The following PLPPR3 variants were observed in gnomAD, a reference collection of about 807,000 sequenced individuals.
PLPPR3 encodes phospholipid phosphatase-related protein type 3.
PLPPR3 carries 14 observed loss-of-function variants against 27.3 expected under a neutral mutation model. The ratio of observed to expected loss-of-function variants is 0.51; its 90% CI spans 0.34 to 0.80. The LOEUF (loss-of-function observed/expected upper bound fraction) is 0.80, where lower values mean the gene tolerates loss of function less well. PLPPR3 is among the 30% of genes least tolerant of loss of function. PLPPR3 has a pLI of 0.01. For synonymous variants in PLPPR3, 671 were observed against 508.0 expected (o/e 1.32, Z -4.32); for missense variants, 1,287 against 1,056.9 (o/e 1.22, Z -3.02).
At chr19:819,366 C>T (rs1435609383) in intron 2 of PLPPR3, among the ~76,000 whole-genome samples, 2 of 149,668 alleles carry the variant, frequency 1.3e-5, no homozygotes, top group African/African-American at 5.0e-5. Flanking sequence ...CTGCAACCTC[C>T]ACCTCCTGGG....
chr19:814,666 G>A (rs1411818479), intron 6 of PLPPR3, 26 bp downstream of exon 6: 1 of 1,607,898 alleles, frequency 6.2e-7, no homozygotes, highest in African/African-American at 1.3e-5. Context: ...GAGGGCCTGG[G>A]AAGGGCAGTG....
chr19:815,192 A>G lies in PLPPR3; in HGVS notation c.397T>C (p.Phe133Leu), dbSNP rs749506395. ...FNSFLRRTVR[F>L]VGVHVFGLCA... is the part of the protein sequence containing the mutation. Reference sequence around the variant, plus strand: ...GGCGCGTCCCGCAACTCACCCACAAACCGCACCGTACGCCGCAGGAAGGAG... The same window carrying G: ...GGCGCGTCCCGCAACTCACCCACAAGCCGCACCGTACGCCGCAGGAAGGAG... The change falls in exon 4 of 8, where the codon TTT becomes CTT. Residue 133 changes from phenylalanine to leucine, a missense_variant. Phe to Leu is a conservative substitution (Grantham distance 22). Coordinates refer to ENST00000520876, the MANE Select transcript of PLPPR3 (RefSeq NM_001270366.2). The G allele has an allele frequency of 1.9e-6, 3 of 1,603,708 alleles. No individual in the cohort carries two copies. The South Asian group carries it at 3.3e-5, about 18-fold the overall frequency.
In PLPPR3 at chr19:812,843, G is replaced by A. The variant is rs1338675004; in HGVS notation, c.1884C>T (p.Phe628=). ...CGCCCGGGGGCTTGGCCCCGCCGCG[G>A]AAGCCGCGCGCCAGGTCCCCCAGCT... ...GYELGDLARG[F]RGGAKPPGVS... The change falls in exon 8 of 8, where the codon TTC becomes TTT. Residue 628 remains phenylalanine (F), a synonymous_variant. Transcript: ENST00000520876. 5 of 1,126,708 alleles carry A rather than the reference G, an allele frequency of 4.4e-6. No homozygotes were observed. The highest frequency in any genetic ancestry group is 5.3e-5 in the East Asian group (1 of 18,910). The allele number at this position is 1,126,708 out of a possible 1,614,324, so 69.8% of individuals were successfully genotyped here.
In PLPPR3 at chr19:819,420, A is replaced by G. The variant is rs1256297046; in HGVS notation, c.75+2065T>C. On this transcript the variant is annotated intron_variant, in intron 2 of 7. Coordinates refer to ENST00000520876, the MANE Select transcript of PLPPR3 (RefSeq NM_001270366.2). ...CTCAGCCTCCCGAGTAGATGGGATT[A>G]CAGGCGCCCACCACTACGACCACCA... Among the ~76,000 whole-genome samples the G allele has an allele frequency of 2.0e-5, 3 of 151,224 alleles. No individual in the cohort carries two copies. The South Asian group carries it at 6.3e-4, about 32-fold the overall frequency.
intron 1 of PLPPR3, 141 bp downstream of exon 1, chr19:821,774 C>A: frequency 3.6e-6 from 1 of 281,482 alleles, no homozygotes; most frequent in South Asian, 1.3e-4. Context: ...ATCGGGGGGT[C>A]GGGGCCGGGA....
chr19:823,121 A>AAACC (rs2035173124), upstream of PLPPR3, among the ~76,000 whole-genome samples: 1 of 81,478 alleles, frequency 1.2e-5, no homozygotes, highest in Non-Finnish European at 2.7e-5. Flanking sequence ...CTCTGTCTCA[A>AAACC]AACAAACAAA....
intron 7 of PLPPR3, 22 bp downstream of exon 7, chr19:814,409 ACCC>A: frequency 6.4e-7 from 1 of 1,572,696 alleles, no homozygotes; most frequent in Non-Finnish European, 8.6e-7. Context: ...ACCCATGCCG[ACCC>A]CCATCAGAAC....
In PLPPR3 at chr19:815,437, TCAC is replaced by T. The variant is rs896395963; in HGVS notation, c.262-113_262-111del. 2.4e-6 allele frequency: 3 copies of T among 1,253,990 alleles called. No homozygotes were observed. The African/African-American group carries it at 6.7e-5, about 28-fold the overall frequency. 77.7% of individuals were successfully genotyped at this position (1,253,990 alleles called of 1,614,324 possible). ...CTGGCACAGGCCCCGGTGTGGATGT[TCAC>T]CGAGGTGGCGGGGGTGGGCTCCCAG... On this transcript the variant is annotated intron_variant, in intron 3 of 7. Transcript: ENST00000520876.
chr19:814,449 G>A lies in PLPPR3; in HGVS notation c.816C>T (p.Gly272=). 2 of 1,603,590 alleles carry A rather than the reference G, an allele frequency of 1.2e-6. No homozygotes were observed. Among genetic ancestry groups the A allele is most frequent in the Non-Finnish European group, 1.7e-6 (2 of 1,176,964 alleles). The change falls in exon 7 of 8, where the codon GGC becomes GGT. Residue 272 remains glycine (G), a synonymous_variant. Coordinates refer to ENST00000520876, the MANE Select transcript of PLPPR3 (RefSeq NM_001270366.2). ...TGCCACTCACCAGGTAGGCAGCGATGCCCGCCCCGATGAGGAAGCCGGCAT... is the reference window on the plus strand; with the variant it reads ...TGCCACTCACCAGGTAGGCAGCGATACCCGCCCCGATGAGGAAGCCGGCAT... The part of the protein sequence containing the change: ...DVYAGFLIGA[G]IAAYLACHAV...
Position 812,689 on chromosome 19 carries a change from C to G in PLPPR3, c.2038G>C (p.Gly680Arg). ...CGCCGCAGCGTGGACTCCCGGCTGC[C>G]CGGGCCCAGCGCCCCATCGGCCGCG... ...LGAADGALGP[G>R]SRESTLRRHA... Residue 680 changes from glycine (G) to arginine (R), a missense_variant, in exon 8 of 8, where the codon GGC becomes CGC. Transcript: ENST00000520876. 1 of 1,048,984 alleles carries G rather than the reference C, an allele frequency of 9.5e-7. No homozygotes were observed. Among genetic ancestry groups the G allele is most frequent in the Non-Finnish European group, 1.1e-6 (1 of 870,264 alleles). 65.0% of individuals were successfully genotyped at this position (1,048,984 alleles called of 1,614,324 possible).
chr19:821,612 G>T (rs1014385507), intron 1 of PLPPR3, 27 bp from the exon 2 acceptor site: 9 of 1,384,882 alleles, frequency 6.5e-6, no homozygotes, highest in Admixed American at 2.6e-5. Context: ...GGCGCTGGAG[G>T]GGGGCGCGCA....
chr19:817,817 T>G (rs1407140783), intron 2 of PLPPR3, among the ~76,000 whole-genome samples: 3 of 152,110 alleles, frequency 2.0e-5, no homozygotes, highest in Non-Finnish European at 4.4e-5. Flanking sequence ...GCAGCGTTTG[T>G]TTGCACCTGA....
At chr19:818,139 T>G (rs2035090016) in intron 2 of PLPPR3, among the ~76,000 whole-genome samples, 1 of 152,144 alleles carries the variant, frequency 6.6e-6, no homozygotes, top group Non-Finnish European at 1.5e-5. Flanking sequence ...TCCCAGCACT[T>G]TGGGAGGCCG....
chr19:815,353 G>T (rs2035035175), intron 3 of PLPPR3, 26 bp from the exon 4 acceptor site: 5 of 1,518,870 alleles, frequency 3.3e-6, no homozygotes, highest in Non-Finnish European at 2.6e-6. Context: ...GGGCGCTCAG[G>T]CCTCGGTGCC....
At position 812,861 on chromosome 19, in the gene PLPPR3, C is replaced by T. The variant is rs1374133559; in HGVS notation, c.1866G>A (p.Gly622=). The stretch of plus-strand genomic sequence containing the variant: ...CGCCGCGGAAGCCGCGCGCCAGGTC[C>T]CCCAGCTCGTAGCCGCCGTCGGCCT... ...KAEADGGYEL[G]DLARGFRGGA... is the part of the protein sequence containing the mutation. Residue 622 remains glycine (G), a synonymous_variant, in exon 8 of 8, where the codon GGG becomes GGA. Coordinates refer to ENST00000520876, the MANE Select transcript of PLPPR3 (RefSeq NM_001270366.2). The T allele has an allele frequency of 7.7e-6, 9 of 1,172,864 alleles. No individual in the cohort carries two copies. Among genetic ancestry groups the T allele is most frequent in the Admixed American group, 1.0e-4 (2 of 20,092 alleles). 72.7% of individuals were successfully genotyped at this position (1,172,864 alleles called of 1,614,324 possible).
intron 2 of PLPPR3, among the ~76,000 whole-genome samples, chr19:816,464 G>A (rs1028334367): frequency 1.1e-4 from 13 of 117,288 alleles, no homozygotes; most frequent in African/African-American, 3.4e-4. Context: ...CCATCCAACC[G>A]TCCATCCATC....
chr19:813,945 T>C lies in PLPPR3; in HGVS notation c.832-50A>G, dbSNP rs892122073. ...TGAGGCCTGGGGCTCAGAGGGCTCCTCCCCTGTGATCGTTGGACTTGCCGC... is the reference window on the plus strand; with the variant it reads ...TGAGGCCTGGGGCTCAGAGGGCTCCCCCCCTGTGATCGTTGGACTTGCCGC... On this transcript the variant is annotated intron_variant, in intron 7 of 7. Coordinates refer to ENST00000520876, the MANE Select transcript of PLPPR3 (RefSeq NM_001270366.2). The surrounding 1 kb of genome is among the most constrained non-coding windows in gnomAD (Gnocchi z 4.1). The C allele has an allele frequency of 7.8e-6, 11 of 1,407,704 alleles. No individual in the cohort carries two copies. The highest frequency in any genetic ancestry group is 1.0e-5 in the Non-Finnish European group (11 of 1,088,378). 87.2% of individuals were successfully genotyped at this position (1,407,704 alleles called of 1,614,324 possible). A position where few individuals can be genotyped will look rare whatever the true frequency, so the allele number is the denominator to read the frequency against.
intron 2 of PLPPR3, among the ~76,000 whole-genome samples, chr19:819,697 G>A (rs1438931264): frequency 2.0e-5 from 3 of 152,174 alleles, no homozygotes; most frequent in Non-Finnish European, 4.4e-5. Flanking sequence ...GCCCGGGTGT[G>A]AGGTAACGGA....
Position 813,094 on chromosome 19 carries a change from C to T in PLPPR3, c.1633G>A (p.Ala545Thr). ...GCCTTGGGGCCCGGCGCGCCCGGAG[C>T]CTTGGACATGGCGATGACCTGCAGC... ...RLLQVIAMSK[A>T]PGAPGPKAAE... Residue 545 changes from alanine (A) to threonine (T), a missense_variant, in exon 8 of 8, where the codon GCT becomes ACT. Coordinates refer to ENST00000520876, the MANE Select transcript of PLPPR3 (RefSeq NM_001270366.2). This position sits in a 1 kb window ranked among gnomAD's most constrained non-coding sequence, Gnocchi z 4.1. The T allele has an allele frequency of 6.7e-7, 1 of 1,500,864 alleles. No homozygotes were observed. Among genetic ancestry groups the T allele is most frequent in the Non-Finnish European group, 8.8e-7 (1 of 1,136,090 alleles). The allele number at this position is 1,500,864 out of a possible 1,614,324, so 93.0% of individuals were successfully genotyped here.
Sources: allele counts gnomAD v4.1 joint callset (sites outside exome capture counted in the v4.1 genomes callset), GRCh38; gene constraint gnomAD v4.1.1; non-coding constraint Gnocchi (gnomAD v3.1); transcripts MANE v1.5; gene names NCBI Gene and HGNC (gene_info 2026-07-23, HGNC 2026-07-21).